The following VIPR1 variants were observed in gnomAD, a reference collection of about 807,000 sequenced individuals.
VIPR1 encodes the protein vasoactive intestinal peptide receptor 1, also known as vasoactive intestinal polypeptide receptor 1.
Under a neutral mutation model 58.8 loss-of-function variants are expected in VIPR1, and 59 were observed. That is an observed-to-expected ratio of 1.00 (90% confidence interval 0.81 to 1.25). The LOEUF (loss-of-function observed/expected upper bound fraction) is 1.25. VIPR1 is among the 50% of genes most tolerant of loss of function. The pLI is 0.00. For missense variants in VIPR1, 626 were observed against 602.7 expected, an observed-to-expected ratio of 1.04 and a Z score of -0.40; for synonymous variants, 251 against 242.1, an observed-to-expected ratio of 1.04 and a Z score of -0.34.
chr3:42,508,460 G>A (rs942047969), intron 1 of VIPR1, among the ~76,000 whole-genome samples: 2 of 152,260 alleles, frequency 1.3e-5, no homozygotes, highest in Non-Finnish European at 1.5e-5. Flanking sequence ...CACATGCTGC[G>A]CTGGGACTTT....
At position 42,530,879 on chromosome 3, in the gene VIPR1, T is replaced by A. The variant is rs761536147; in HGVS notation, c.737T>A (p.Val246Asp). The change falls in exon 7 of 13, where the codon GTC becomes GAC. Residue 246 changes from valine (V) to aspartate (D), a missense_variant. Physicochemically the swap from Val to Asp is radical, Grantham distance 152 (BLOSUM62 -3). Coordinates refer to ENST00000325123, the MANE Select transcript of VIPR1 (RefSeq NM_004624.4). ...EGLYLYTLLA[V>D]SFFSERKYFW... ...CTCTACCTGTACACCCTGCTTGCCGTCTCCTTCTTCTCTGAGCGGAAGTAC... is the reference window on the plus strand; with the variant it reads ...CTCTACCTGTACACCCTGCTTGCCGACTCCTTCTTCTCTGAGCGGAAGTAC... The A allele has an allele frequency of 1.2e-6, 2 of 1,614,066 alleles. No homozygotes were observed. Among genetic ancestry groups the A allele is most frequent in the African/African-American group, 1.3e-5 (1 of 75,014 alleles).
chr3:42,532,301 A>C lies in VIPR1; in HGVS notation c.978A>C (p.Pro326=). The C allele has an allele frequency of 5.6e-6, 9 of 1,614,142 alleles. No homozygotes were observed. The highest frequency in any genetic ancestry group is 5.9e-6 in the Non-Finnish European group (7 of 1,180,024). The change falls in exon 10 of 13, where the codon CCA becomes CCC. Residue 326 remains proline, a synonymous_variant. Coordinates refer to ENST00000325123, the MANE Select transcript of VIPR1 (RefSeq NM_004624.4). Reference sequence around the variant, plus strand: ...TCCTGCTTCAGAAACTGCGGCCCCCAGATATCAGGAAGAGTGACAGCAGTC... The same window carrying C: ...TCCTGCTTCAGAAACTGCGGCCCCCCGATATCAGGAAGAGTGACAGCAGTC... The part of the protein sequence containing the change: ...IRILLQKLRP[P]DIRKSDSSPY...
chr3:42,496,850 A>G (rs1056197640), intron 1 of VIPR1, among the ~76,000 whole-genome samples: 2 of 152,200 alleles, frequency 1.3e-5, no homozygotes, highest in Admixed American at 6.5e-5. Flanking sequence ...TCCCAAACAA[A>G]CAATCTTTAT....
intron 3 of VIPR1, among the ~76,000 whole-genome samples, chr3:42,522,137 C>A (rs1490453718): frequency 3.7e-5 from 3 of 80,852 alleles, no homozygotes; most frequent in South Asian, 4.6e-4. Flanking sequence ...TTTTAGACAG[C>A]GTCTCGCTCT....
intron 2 of VIPR1, among the ~76,000 whole-genome samples, chr3:42,515,467 T>C (rs943852030): frequency 1.3e-5 from 2 of 152,172 alleles, no homozygotes; most frequent in Non-Finnish European, 2.9e-5. Flanking sequence ...AGCGGTGGGA[T>C]CATAGGCAGC....
At chr3:42,526,057 C>T (rs1319367460) in intron 4 of VIPR1, 64 bp downstream of exon 4, 5 of 1,456,242 alleles carry the variant, frequency 3.4e-6, no homozygotes, top group Non-Finnish European at 4.7e-6. Flanking sequence ...AGACTTTGAT[C>T]TCTCCCACCG....
At chr3:42,492,934 T>C (rs1489198835) in intron 1 of VIPR1, among the ~76,000 whole-genome samples, 1 of 152,182 alleles carries the variant, frequency 6.6e-6, no homozygotes, top group Non-Finnish European at 1.5e-5. Context: ...TGGGCTACTG[T>C]GGGTCTTGGC....
chr3:42,523,409 C>T (rs7651907), intron 3 of VIPR1, among the ~76,000 whole-genome samples: 12,747 of 152,140 alleles, frequency 0.084, 553 homozygotes, highest in African/African-American at 0.099. Context: ...TCCCTTTGGC[C>T]GCTGCTGGGA....
chr3:42,514,444 C>T (rs1314280551), intron 2 of VIPR1, among the ~76,000 whole-genome samples: 2 of 151,944 alleles, frequency 1.3e-5, no homozygotes, highest in African/African-American at 4.8e-5. Flanking sequence ...ATGTGGAATA[C>T]TCACCACAGC....
At chr3:42,526,113 G>T (rs1305116897) in intron 4 of VIPR1, 120 bp downstream of exon 4, 1 of 966,922 alleles carries the variant, frequency 1.0e-6, no homozygotes. Flanking sequence ...CCTGGAGTCT[G>T]CCCTCCTCTA....
chr3:42,491,648 C>T (rs1477954088), intron 1 of VIPR1, among the ~76,000 whole-genome samples: 1 of 152,166 alleles, frequency 6.6e-6, no homozygotes, highest in Non-Finnish European at 1.5e-5. Context: ...GATCTCAGCT[C>T]ACTGAAACCT....
At chr3:42,523,376 C>T (rs1424856256) in intron 3 of VIPR1, among the ~76,000 whole-genome samples, 1 of 152,142 alleles carries the variant, frequency 6.6e-6, no homozygotes, top group Non-Finnish European at 1.5e-5. Context: ...TCTATGGCAG[C>T]CAGGGCTCCA....
intron 6 of VIPR1, chr3:42,529,793 A>G (rs1701438023): frequency 6.6e-6 from 1 of 152,158 alleles, no homozygotes; most frequent in African/African-American, 2.4e-5. Flanking sequence ...AAGGCCCAGA[A>G]TACCTTCCAG....
chr3:42,492,756 A>G (rs1051049468), intron 1 of VIPR1, among the ~76,000 whole-genome samples: 3 of 152,184 alleles, frequency 2.0e-5, no homozygotes, highest in African/African-American at 7.2e-5. Context: ...ATTCCTCCAA[A>G]CTGTCTCCCT....
intron 3 of VIPR1, among the ~76,000 whole-genome samples, chr3:42,524,571 C>T (rs1701129367): frequency 6.6e-6 from 1 of 152,288 alleles, no homozygotes; most frequent in Non-Finnish European, 1.5e-5. Context: ...AGTAGGGTGA[C>T]AAGACCTCTT....
chr3:42,513,452 G>T (rs983379259), intron 1 of VIPR1: 1 of 348,028 alleles, frequency 2.9e-6, no homozygotes, highest in African/African-American at 2.1e-5. Context: ...CTAAGGGGAG[G>T]CCCTCTTGCC....
chr3:42,527,280 T>A (rs2125669200), intron 4 of VIPR1, 113 bp from the exon 5 acceptor site: 1 of 968,110 alleles, frequency 1.0e-6, no homozygotes, highest in South Asian at 1.5e-5. Context: ...CCTCCTCATT[T>A]GCTGAGGCAG....
intron 3 of VIPR1, chr3:42,519,533 G>A: frequency 2.1e-6 from 1 of 467,150 alleles, no homozygotes; most frequent in Non-Finnish European, 3.8e-6. Context: ...TAAGCATGTG[G>A]GAAAGGCTCA....
chr3:42,493,391 G>A (rs1217681112), intron 1 of VIPR1, among the ~76,000 whole-genome samples: 1 of 152,214 alleles, frequency 6.6e-6, no homozygotes, highest in Non-Finnish European at 1.5e-5. Context: ...CCGAGCATGG[G>A]GCTGGCACTC....
Sources: allele counts gnomAD v4.1 joint callset (sites outside exome capture counted in the v4.1 genomes callset), GRCh38; gene constraint gnomAD v4.1.1; transcripts MANE v1.5; gene names NCBI Gene and HGNC (gene_info 2026-07-23, HGNC 2026-07-21).